The following KCNT1 variants were observed in gnomAD, a reference collection of about 807,000 sequenced individuals.
KCNT1 encodes potassium sodium-activated channel subfamily T member 1.
KCNT1 carries 78 observed loss-of-function variants against 147.8 expected under a neutral mutation model. The observed-to-expected ratio is 0.53, with a 90% confidence interval of 0.44 to 0.64. The LOEUF is 0.64. Among genes scored for constraint, KCNT1 ranks in the 30% least tolerant of loss-of-function variants. KCNT1 has a pLI of 0.00. For synonymous variants in KCNT1, 867 were observed against 748.8 expected (o/e 1.16, Z -2.58); for missense variants, 1,419 against 1,750.3 (o/e 0.81, Z 3.38).
At chr9:135,707,133 A>T (rs1026838307) in intron 1 of KCNT1, among the ~76,000 whole-genome samples, 1 of 152,056 alleles carries the variant, frequency 6.6e-6, no homozygotes, top group Non-Finnish European at 1.5e-5. Flanking sequence ...AAAAAAAAAA[A>T]AAATTAAAAA....
At chr9:135,746,969 G>C (rs914266902) in intron 2 of KCNT1, among the ~76,000 whole-genome samples, 1 of 152,138 alleles carries the variant, frequency 6.6e-6, no homozygotes, top group Admixed American at 6.5e-5. Context: ...GGTGCCATCA[G>C]GAATGGAGAA....
At chr9:135,751,523 G>T (rs1161298995) in intron 4 of KCNT1, among the ~76,000 whole-genome samples, 2 of 152,320 alleles carry the variant, frequency 1.3e-5, no homozygotes, top group East Asian at 3.9e-4. Context: ...TTCTGGGAGA[G>T]GTGCTGGGGG....
Position 135,702,267 on chromosome 9 carries a change from C to T in KCNT1, c.9C>T (p.Leu3=), listed in dbSNP as rs768423949. The change falls in exon 1 of 31, where the codon CTC becomes CTT. Residue 3 remains leucine, a synonymous_variant. Transcript: ENST00000371757. The part of the protein sequence containing the change: MP[L]PDGARTPGGV... ...CCGAGCTGCCAGGCCGCATGCCACT[C>T]CCTGACGGGGCGCGGACCCCGGGGG... 4 of 1,608,528 alleles carry T rather than the reference C, an allele frequency of 2.5e-6. No homozygotes were observed. The highest frequency in any genetic ancestry group is 3.4e-6 in the Non-Finnish European group (4 of 1,177,384).
In KCNT1 at chr9:135,784,527, C is replaced by A; in HGVS notation, c.2944-8C>A. On this transcript the variant is annotated splice_polypyrimidine_tract_variant and splice_region_variant and intron_variant, in intron 25 of 30. Coordinates refer to ENST00000371757, the MANE Select transcript of KCNT1 (RefSeq NM_020822.3). ...CCTCCCTCCCTCCCTCCCTCCCTCC[C>A]TGGCCAGTCCTTCGTGAAGGACTAC... 1 of 1,074,204 alleles carries A rather than the reference C, an allele frequency of 9.3e-7. No homozygotes were observed. The highest frequency in any genetic ancestry group is 1.3e-6 in the Non-Finnish European group (1 of 753,924). The allele number at this position is 1,074,204 out of a possible 1,614,324, so 66.5% of individuals were successfully genotyped here. A position where few individuals can be genotyped will look rare whatever the true frequency, so the allele number is the denominator to read the frequency against.
intron 2 of KCNT1, among the ~76,000 whole-genome samples, chr9:135,742,392 C>T (rs769985421): frequency 2.0e-5 from 3 of 152,202 alleles, no homozygotes; most frequent in Admixed American, 6.5e-5. Flanking sequence ...CACCTGCTTG[C>T]GTGGCTGAAG....
chr9:135,752,304 C>G lies in KCNT1; in HGVS notation c.434+1263C>G, dbSNP rs750766789. ...CAATCCCCCTTTTCACCTGTTACCC[C>G]GTCACAAGGGGGCCTGGCATCCCCA... On this transcript the variant is annotated intron_variant, in intron 4 of 30. Coordinates refer to ENST00000371757, the MANE Select transcript of KCNT1 (RefSeq NM_020822.3). This position sits in a 1 kb window ranked among gnomAD's most constrained non-coding sequence, Gnocchi z 5.1. The G allele has an allele frequency of 2.2e-6, 1 of 453,210 alleles. No homozygotes were observed. Among genetic ancestry groups the G allele is most frequent in the African/African-American group, 2.0e-5 (1 of 49,970 alleles). The allele number at this position is 453,210 out of a possible 1,614,324, so 28.1% of individuals were successfully genotyped here. A position where few individuals can be genotyped will look rare whatever the true frequency, so the allele number is the denominator to read the frequency against.
At chr9:135,757,638 G>A (rs1831585713) in intron 9 of KCNT1, among the ~76,000 whole-genome samples, 1 of 152,238 alleles carries the variant, frequency 6.6e-6, no homozygotes, top group Admixed American at 6.5e-5. Flanking sequence ...CTGGCAGGAG[G>A]AGGAGGGACA....
Position 135,794,543 on chromosome 9 carries a change from C to T in KCNT1, c.*2382C>T, listed in dbSNP as rs1834723615. The T allele has an allele frequency of 6.6e-6, 1 of 152,288 alleles. No homozygotes were observed. The highest frequency in any genetic ancestry group is 1.9e-4 in the East Asian group (1 of 5,190). The allele number at this position is 152,288 out of a possible 1,614,324, so 9.4% of individuals were successfully genotyped here. A position where few individuals can be genotyped will look rare whatever the true frequency, so the allele number is the denominator to read the frequency against. On this transcript the variant is annotated 3_prime_UTR_variant, in exon 31 of 31. Coordinates refer to ENST00000371757, the MANE Select transcript of KCNT1 (RefSeq NM_020822.3). ...TCACTAACCGCAGAGGATGCCAGCT[C>T]TAGGCCCCCTGCTCCGCCTGGAGCT...
intron 11 of KCNT1, among the ~76,000 whole-genome samples, chr9:135,764,493 G>T (rs573383998): frequency 2.6e-5 from 4 of 152,102 alleles, no homozygotes; most frequent in Non-Finnish European, 5.9e-5. Flanking sequence ...TTCACCTAGA[G>T]GCCAGTGGGG....
chr9:135,758,908 G>C (rs1377134935), intron 10 of KCNT1, among the ~76,000 whole-genome samples: 2 of 151,394 alleles, frequency 1.3e-5, no homozygotes, highest in East Asian at 1.9e-4. Flanking sequence ...GCCCACCCAG[G>C]CATGCCCACT....
intron 29 of KCNT1, chr9:135,788,850 C>T (rs1261478473): frequency 6.6e-6 from 1 of 152,596 alleles, no homozygotes; most frequent in East Asian, 1.9e-4. Context: ...AGGGTGCTCC[C>T]AGGGGTCCTG....
intron 11 of KCNT1, among the ~76,000 whole-genome samples, chr9:135,761,657 A>G (rs572684196): frequency 6.6e-6 from 1 of 152,104 alleles, no homozygotes; most frequent in Non-Finnish European, 1.5e-5. Flanking sequence ...CCCGGCCCAC[A>G]CTTCACCACG....
rs1253303573 is a variant in KCNT1, at chr9:135,770,361, G to C, written c.1683G>C (p.Val561=). 6.2e-7 allele frequency: 1 copy of C among 1,613,142 alleles called. No individual in the cohort carries two copies. ...RMYGRCSGNE[V]YHIRMGDSKF... is the part of the protein sequence containing the mutation. ...ATGGGCGCTGCTCCGGCAACGAGGT[G>C]TACCACATCCGCATGGGTGACAGCA... The change falls in exon 17 of 31, where the codon GTG becomes GTC. Residue 561 remains valine (V), a synonymous_variant. Transcript: ENST00000371757.
At chr9:135,786,591 A>G in intron 29 of KCNT1, 70 bp downstream of exon 29, 1 of 1,420,624 alleles carries the variant, frequency 7.0e-7, no homozygotes, top group Non-Finnish European at 9.3e-7. Context: ...AGCCAAGAAC[A>G]GTCGGCCACG....
Position 135,784,519 on chromosome 9 carries a change from C to A in KCNT1, c.2944-16C>A. The A allele has an allele frequency of 1.3e-6, 1 of 741,674 alleles. No individual in the cohort carries two copies. Among genetic ancestry groups the A allele is most frequent in the Non-Finnish European group, 2.2e-6 (1 of 461,152 alleles). The allele number at this position is 741,674 out of a possible 1,614,324, so 45.9% of individuals were successfully genotyped here. On this transcript the variant is annotated splice_polypyrimidine_tract_variant and intron_variant, in intron 25 of 30. Transcript: ENST00000371757. ...CCTCCCTCCCTCCCTCCCTCCCTCC[C>A]TCCCTCCCTGGCCAGTCCTTCGTGA...
At chr9:135,785,853 T>G in intron 28 of KCNT1, 2 of 442,930 alleles carry the variant, frequency 4.5e-6, no homozygotes, top group East Asian at 4.6e-5. Context: ...AAGGCCAGGA[T>G]GTGCTGGGGT....
intron 10 of KCNT1, among the ~76,000 whole-genome samples, chr9:135,759,393 G>A (rs1831746600): frequency 6.7e-6 from 1 of 148,732 alleles, no homozygotes; most frequent in Non-Finnish European, 1.5e-5. Context: ...CCACCCGGCA[G>A]GCAGGGAGGC....
intron 1 of KCNT1, among the ~76,000 whole-genome samples, chr9:135,710,332 G>A (rs1334727803): frequency 6.6e-6 from 1 of 152,164 alleles, no homozygotes; most frequent in African/African-American, 2.4e-5. Context: ...CTGGAGCCAG[G>A]TACTGGGTTC....
At chr9:135,706,041 C>T (rs1835241898) in intron 1 of KCNT1, among the ~76,000 whole-genome samples, 1 of 152,162 alleles carries the variant, frequency 6.6e-6, no homozygotes, top group African/African-American at 2.4e-5. Flanking sequence ...CCTGGAGGAG[C>T]TTCTGGGAAC....
Sources: gnomAD v4.1 joint callset for allele counts (sites outside exome capture counted in the v4.1 genomes callset) on GRCh38, gnomAD v4.1.1 for gene constraint, Gnocchi (gnomAD v3.1) non-coding constraint, MANE v1.5 for transcripts, NCBI Gene and HGNC (gene_info 2026-07-23, HGNC 2026-07-21) for gene names.